UBR4: variants seen among roughly 807,000 people sequenced by gnomAD.
UBR4 encodes ubiquitin protein ligase E3 component n-recognin 4, also known as E3 ubiquitin-protein ligase UBR4.
A neutral mutation model predicts 575.6 loss-of-function variants in UBR4; 124 were observed. The observed-to-expected ratio is 0.22, with a 90% CI of 0.19 to 0.25. UBR4 has a LOEUF of 0.25. UBR4 is among the 10% of genes least tolerant of loss of function. The probability of loss-of-function intolerance (pLI) is 1.00; values close to 1 mark genes in which losing one functional copy is unlikely to be tolerated. For synonymous variants in UBR4, 2,455 were observed against 2,473.7 expected, an observed-to-expected ratio of 0.99 and a Z score of 0.22; for missense variants, 4,818 against 6,478.8, an observed-to-expected ratio of 0.74 and a Z score of 8.80.
At chr1:19,174,924 T>C (rs1166503665) in intron 21 of UBR4, 30 bp downstream of exon 21, 2 of 1,596,666 alleles carry the variant, frequency 1.3e-6, no homozygotes, top group African/African-American at 1.3e-5. Flanking sequence ...CTGACCCACA[T>C]ATAAAATGCA....
At chr1:19,077,203 A>G (rs138375785) in intron 104 of UBR4, among the ~76,000 whole-genome samples, 3 of 152,268 alleles carry the variant, frequency 2.0e-5, no homozygotes, top group Non-Finnish European at 2.9e-5. Flanking sequence ...GGACTTGTCA[A>G]TGTGCTTCCA....
Position 19,197,651 on chromosome 1 carries a change from G to A in UBR4, c.893+19C>T. 1 of 1,613,084 alleles carries A rather than the reference G, an allele frequency of 6.2e-7. No homozygotes were observed. The highest frequency in any genetic ancestry group is 8.5e-7 in the Non-Finnish European group (1 of 1,179,780). Reference sequence around the variant, plus strand: ...CAAAAACAAAAAAAGTAAAGCATGTGCACTGTGAAGCACCTTACCCATTAC... The same window carrying A: ...CAAAAACAAAAAAAGTAAAGCATGTACACTGTGAAGCACCTTACCCATTAC... On this transcript the variant is annotated intron_variant, in intron 7 of 105. Transcript: ENST00000375254.
At chr1:19,119,203 T>C (rs1039145907) in intron 70 of UBR4, among the ~76,000 whole-genome samples, 4 of 152,190 alleles carry the variant, frequency 2.6e-5, no homozygotes, top group African/African-American at 9.6e-5. Flanking sequence ...ATTTTTATTT[T>C]TATGGAGAAG....
intron 97 of UBR4, among the ~76,000 whole-genome samples, chr1:19,091,234 C>T (rs551395407): frequency 1.3e-5 from 2 of 152,012 alleles, no homozygotes; most frequent in Non-Finnish European, 2.9e-5. Flanking sequence ...ATATGGAAAA[C>T]AATACATGTG....
chr1:19,118,714 G>T, intron 71 of UBR4, 158 bp downstream of exon 71: 1 of 674,246 alleles, frequency 1.5e-6, no homozygotes, highest in Non-Finnish European at 2.5e-6. Context: ...CTATTTGCAA[G>T]ACCCTGGCCT....
rs1571001843 is a variant in UBR4, at chr1:19,140,716, C to T, written c.8593+72G>A. 4 of 1,458,900 alleles carry T rather than the reference C, an allele frequency of 2.7e-6. No individual in the cohort carries two copies. The East Asian group carries it at 9.5e-5, about 35-fold the overall frequency. 90.4% of individuals were successfully genotyped at this position (1,458,900 alleles called of 1,614,324 possible). On this transcript the variant is annotated intron_variant, in intron 58 of 105. Coordinates refer to ENST00000375254, the MANE Select transcript of UBR4 (RefSeq NM_020765.3). The stretch of plus-strand genomic sequence containing the variant: ...CCTGTCAAAGCAGCTGCCCATTACA[C>T]TCTCACAGCAGTGGAAACAAGGCCT...
At chr1:19,120,904 GAGA>G (rs1557666903) in intron 68 of UBR4, among the ~76,000 whole-genome samples, 1 of 152,236 alleles carries the variant, frequency 6.6e-6, no homozygotes, top group Non-Finnish European at 1.5e-5. Context: ...GAGCTCCATA[GAGA>G]AGGTGTTATT....
In UBR4 at chr1:19,153,266, T is replaced by C; in HGVS notation, c.6832+35A>G. ...TCACTGTCTAGAAGACCACCATTCC[T>C]ACTCCCCCACAAGTCATCTGAGAAG... On this transcript the variant is annotated intron_variant, in intron 46 of 105. Coordinates refer to ENST00000375254, the MANE Select transcript of UBR4 (RefSeq NM_020765.3). The surrounding 1 kb of genome is among the most constrained non-coding windows in gnomAD (Gnocchi z 4.1). 6.2e-7 allele frequency: 1 copy of C among 1,609,730 alleles called. No individual in the cohort carries two copies. Among genetic ancestry groups the C allele is most frequent in the Middle Eastern group, 1.7e-4 (1 of 6,046 alleles).
At chr1:19,191,177 T>C (rs770797721) in intron 11 of UBR4, among the ~76,000 whole-genome samples, 2 of 152,008 alleles carry the variant, frequency 1.3e-5, no homozygotes, top group Non-Finnish European at 2.9e-5. Flanking sequence ...ATAACTAAAA[T>C]AATAGCCCTG....
In UBR4 at chr1:19,150,762, G is replaced by A. The variant is rs1226842722; in HGVS notation, c.7245C>T (p.Thr2415=). 3 of 1,613,960 alleles carry A rather than the reference G, an allele frequency of 1.9e-6. No individual in the cohort carries two copies. Among genetic ancestry groups the A allele is most frequent in the Non-Finnish European group, 2.5e-6 (3 of 1,179,986 alleles). The part of the protein sequence containing the change: ...IGASVDPAGV[T]MIDAVKIYGK... ...CATAAATTTTTACAGCATCTATCAT[G>A]GTGACACCTGCTGGATCCACCGAGG... is the stretch of plus-strand genomic sequence containing the variant. Residue 2415 remains threonine, a synonymous_variant, in exon 49 of 106, where the codon ACC becomes ACT. Coordinates refer to ENST00000375254, the MANE Select transcript of UBR4 (RefSeq NM_020765.3).
chr1:19,199,379 A>C (rs1381746042), intron 3 of UBR4, among the ~76,000 whole-genome samples: 1 of 152,222 alleles, frequency 6.6e-6, no homozygotes, highest in Non-Finnish European at 1.5e-5. Flanking sequence ...CATGTACCAG[A>C]GGTTGGCAAA....
intron 35 of UBR4, 39 bp downstream of exon 35, chr1:19,162,381 T>C (rs1280903196): frequency 1.0e-5 from 16 of 1,578,138 alleles, no homozygotes; most frequent in Non-Finnish European, 1.4e-5. Flanking sequence ...AGTTAGTCAT[T>C]ACCTTGAGAG....
intron 66 of UBR4, 120 bp downstream of exon 66, chr1:19,122,713 T>C: frequency 8.7e-7 from 1 of 1,147,122 alleles, no homozygotes. Flanking sequence ...ATCTCAGCCC[T>C]AACCATGCCA....
At position 19,076,810 on chromosome 1, in the gene UBR4, G is replaced by A; in HGVS notation, c.15417C>T (p.Asp5139=). The change falls in exon 105 of 106, where the codon GAC becomes GAT. Residue 5139 remains aspartate, a synonymous_variant. Coordinates refer to ENST00000375254, the MANE Select transcript of UBR4 (RefSeq NM_020765.3). ...HNDMPIYEAA[D]KALKTFQEEF... ...CCTCCTGGAAGGTTTTCAGGGCTTT[G>A]TCGGCAGCTTCGTAGATGGGCATGT... 6.2e-7 allele frequency: 1 copy of A among 1,613,930 alleles called. No individual in the cohort carries two copies. The highest frequency in any genetic ancestry group is 8.5e-7 in the Non-Finnish European group (1 of 1,179,944).
At chr1:19,184,677 C>T (rs750067472) in intron 15 of UBR4, among the ~76,000 whole-genome samples, 8 of 152,086 alleles carry the variant, frequency 5.3e-5, no homozygotes, top group Admixed American at 1.3e-4. Flanking sequence ...ATCATCAGAA[C>T]GGGGACTGAC....
At chr1:19,101,473 G>A (rs1164811032) in intron 88 of UBR4, 47 bp downstream of exon 88, 7 of 1,568,204 alleles carry the variant, frequency 4.5e-6, no homozygotes, top group African/African-American at 1.3e-5. Flanking sequence ...ATGGCAAAGT[G>A]GGCTGTGCTG....
intron 74 of UBR4, 140 bp downstream of exon 74, chr1:19,115,258 C>T: frequency 7.7e-7 from 1 of 1,302,256 alleles, no homozygotes; most frequent in Non-Finnish European, 1.0e-6. Flanking sequence ...CCCTTTCTAC[C>T]CTTGAACCCA....
intron 97 of UBR4, among the ~76,000 whole-genome samples, chr1:19,091,844 C>T (rs2077543067): frequency 6.6e-6 from 1 of 152,192 alleles, no homozygotes; most frequent in Non-Finnish European, 1.5e-5. Flanking sequence ...AACTTATATT[C>T]ACACAAAAAC....
At chr1:19,119,828 C>T in intron 69 of UBR4, 127 bp from the exon 70 acceptor site, 1 of 1,282,514 alleles carries the variant, frequency 7.8e-7, no homozygotes. Context: ...TTTTGTTTCA[C>T]TTTTGACAAT....
Sources: gnomAD v4.1 joint callset for allele counts (sites outside exome capture counted in the v4.1 genomes callset) on GRCh38, gnomAD v4.1.1 for gene constraint, Gnocchi (gnomAD v3.1) non-coding constraint, MANE v1.5 for transcripts, NCBI Gene and HGNC (gene_info 2026-07-23, HGNC 2026-07-21) for gene names.